The following GALNT13 variants were observed in gnomAD, a reference collection of about 807,000 sequenced individuals.
The protein encoded by GALNT13 is polypeptide N-acetylgalactosaminyltransferase 13.
A neutral mutation model predicts 64.2 loss-of-function variants in GALNT13; 28 were observed. That is an observed-to-expected ratio of 0.44 (90% CI 0.32 to 0.60). The LOEUF (loss-of-function observed/expected upper bound fraction) is 0.60, where lower values mean the gene tolerates loss of function less well. GALNT13 is among the 20% of genes least tolerant of loss of function. The pLI, the probability that GALNT13 is intolerant of heterozygous loss-of-function variation, is 0.05. For missense variants in GALNT13, 577 were observed against 669.8 expected (o/e 0.86, Z 1.53); for synonymous variants, 214 against 224.6 (o/e 0.95, Z 0.42).
intron 3 of GALNT13, among the ~76,000 whole-genome samples, chr2:154,129,475 A>G (rs1682487652): frequency 6.6e-6 from 1 of 152,186 alleles, no homozygotes; most frequent in African/African-American, 2.4e-5. Flanking sequence ...AATCAATGCA[A>G]TGTAACAGCG....
At chr2:153,808,145 A>C in the GALNT13 span, among the ~76,000 whole-genome samples, 1 of 152,254 alleles carries the variant, frequency 6.6e-6, no homozygotes, top group South Asian at 2.1e-4. Context: ...AAATGTGACT[A>C]TGTTTTTTCT....
In GALNT13 at chr2:154,160,691, G is replaced by A. The variant is rs532916500; in HGVS notation, c.311+20186G>A. On this transcript the variant is annotated intron_variant, in intron 4 of 12. Transcript: ENST00000392825. Reference sequence around the variant, plus strand: ...AGAGTGAGATGCTGATCTCTTAAAAGCAGTTACAACCTCTGAAAATACATG... The same window carrying A: ...AGAGTGAGATGCTGATCTCTTAAAAACAGTTACAACCTCTGAAAATACATG... Among the ~76,000 whole-genome samples, 31 of 152,164 alleles carry A rather than the reference G, an allele frequency of 2.0e-4. 1 individual carries two copies. The South Asian group carries it at 6.4e-3, about 32-fold the overall frequency.
chr2:153,149,247 G>A, the GALNT13 span, among the ~76,000 whole-genome samples: 1 of 151,944 alleles, frequency 6.6e-6, no homozygotes, highest in Admixed American at 6.6e-5. Context: ...AGATGAAGGG[G>A]CTCAGGTTAG....
At chr2:153,114,664 C>T in the GALNT13 span, among the ~76,000 whole-genome samples, 5 of 151,978 alleles carry the variant, frequency 3.3e-5, no homozygotes, top group Admixed American at 3.3e-4. Flanking sequence ...CTAATGGGAA[C>T]CCAAAACCTA....
chr2:153,896,426 A>G (rs1011920466), intron 1 of GALNT13, among the ~76,000 whole-genome samples: 8 of 151,552 alleles, frequency 5.3e-5, no homozygotes, highest in African/African-American at 1.7e-4. Flanking sequence ...ATCTGAATAT[A>G]TAAATATTAA....
the GALNT13 span, among the ~76,000 whole-genome samples, chr2:153,251,369 T>G: frequency 1.3e-5 from 2 of 152,372 alleles, no homozygotes; most frequent in African/African-American, 4.8e-5. Flanking sequence ...TAAGGCTTCT[T>G]TTCATCCATA....
the GALNT13 span, among the ~76,000 whole-genome samples, chr2:153,713,135 T>C: frequency 2.6e-5 from 4 of 152,328 alleles, no homozygotes; most frequent in South Asian, 6.2e-4. Flanking sequence ...TAGAGAAGTT[T>C]ATATATATGT....
the GALNT13 span, among the ~76,000 whole-genome samples, chr2:153,461,265 G>C: frequency 6.6e-6 from 1 of 152,006 alleles, no homozygotes; most frequent in Non-Finnish European, 1.5e-5. Context: ...GGAAAAAAAG[G>C]AAAGAACTCA....
intron 4 of GALNT13, among the ~76,000 whole-genome samples, chr2:154,227,909 A>G (rs1688707857): frequency 6.6e-6 from 1 of 152,206 alleles, no homozygotes; most frequent in African/African-American, 2.4e-5. Flanking sequence ...GAAACAATAG[A>G]CATCATTCTA....
chr2:154,311,906 C>T (rs1454753060), intron 9 of GALNT13, among the ~76,000 whole-genome samples: 1 of 152,150 alleles, frequency 6.6e-6, no homozygotes, highest in Admixed American at 6.5e-5. Context: ...GCTCACCAGG[C>T]GGTCAGAGTT....
At chr2:154,099,263 T>G (rs1702227026) in intron 3 of GALNT13, among the ~76,000 whole-genome samples, 1 of 152,146 alleles carries the variant, frequency 6.6e-6, no homozygotes. Flanking sequence ...GTTAACGGGA[T>G]TATTTGTTTT....
chr2:153,771,694 G>A, the GALNT13 span, among the ~76,000 whole-genome samples: 126 of 152,288 alleles, frequency 8.3e-4, no homozygotes, highest in Middle Eastern at 3.4e-3. Flanking sequence ...AGGTGAGCAG[G>A]TGTGTGCTGA....
chr2:153,940,981 A>G (rs888281744), intron 2 of GALNT13, among the ~76,000 whole-genome samples: 1 of 152,196 alleles, frequency 6.6e-6, no homozygotes, highest in South Asian at 2.1e-4. Flanking sequence ...AGCAAAAACA[A>G]AAGCTTTTTT....
chr2:154,019,105 G>A (rs571418171), intron 3 of GALNT13, among the ~76,000 whole-genome samples: 60 of 152,184 alleles, frequency 3.9e-4, no homozygotes, highest in African/African-American at 1.4e-3. Context: ...CTTGATGCTA[G>A]TGCCAGAATC....
chr2:153,460,208 T>G, the GALNT13 span, among the ~76,000 whole-genome samples: 1 of 152,154 alleles, frequency 6.6e-6, no homozygotes, highest in Non-Finnish European at 1.5e-5. Context: ...ACAAATTGAA[T>G]GTGTTCGAAG....
chr2:153,253,330 CTT>C, the GALNT13 span, among the ~76,000 whole-genome samples: 2 of 138,982 alleles, frequency 1.4e-5, no homozygotes, highest in Non-Finnish European at 3.1e-5. Flanking sequence ...TATCCTGAGA[CTT>C]TGCTGAAGTT....
the GALNT13 span, among the ~76,000 whole-genome samples, chr2:153,144,507 A>G: frequency 2.0e-5 from 3 of 152,078 alleles, no homozygotes; most frequent in East Asian, 5.8e-4. Context: ...AGAGAACTCC[A>G]GAAGTGTATT....
the GALNT13 span, among the ~76,000 whole-genome samples, chr2:153,564,279 A>C: frequency 6.6e-6 from 1 of 152,184 alleles, no homozygotes; most frequent in East Asian, 1.9e-4. Context: ...TCTTCCTGGC[A>C]TACTACCTGC....
intron 4 of GALNT13, among the ~76,000 whole-genome samples, chr2:154,225,838 T>C (rs997704813): frequency 6.6e-6 from 1 of 151,802 alleles, no homozygotes; most frequent in African/African-American, 2.4e-5. Context: ...ATACACTGAG[T>C]GGGGAAACAC....
Sources: gnomAD v4.1 joint callset for allele counts (sites outside exome capture counted in the v4.1 genomes callset) on GRCh38, gnomAD v4.1.1 for gene constraint, MANE v1.5 for transcripts, NCBI Gene and HGNC (gene_info 2026-07-23, HGNC 2026-07-21) for gene names.